TENM2: variants seen among roughly 807,000 people sequenced by gnomAD.
TENM2 encodes teneurin-2.
In TENM2, 52 loss-of-function variants were observed where a neutral mutation model predicts 245.2. The observed-to-expected ratio is 0.21, with a 90% CI of 0.17 to 0.27. TENM2 has a LOEUF of 0.27. Among genes scored for constraint, TENM2 ranks in the 10% least tolerant of loss-of-function variants. The pLI is 1.00. For synonymous variants in TENM2, 1,363 were observed against 1,438.9 expected, an observed-to-expected ratio of 0.95 and a Z score of 1.19; for missense variants, 3,046 against 3,666.8, an observed-to-expected ratio of 0.83 and a Z score of 4.37.
At chr5:167,848,190 G>C (rs989727540) in intron 2 of TENM2, among the ~76,000 whole-genome samples, 3 of 152,172 alleles carry the variant, frequency 2.0e-5, no homozygotes, top group Non-Finnish European at 4.4e-5. Context: ...TGAGAGCTGA[G>C]TGGATCGTGA....
the TENM2 span, among the ~76,000 whole-genome samples, chr5:167,185,100 C>T: frequency 6.6e-6 from 1 of 152,174 alleles, no homozygotes; most frequent in Non-Finnish European, 1.5e-5. Flanking sequence ...TATGTTCATA[C>T]ACACATATGT....
chr5:167,385,684 A>C (rs1328988210), intron 2 of TENM2, among the ~76,000 whole-genome samples: 2 of 151,664 alleles, frequency 1.3e-5, no homozygotes, highest in African/African-American at 4.8e-5. Context: ...TGAGTCCCCA[A>C]AGTCCATTGT....
At position 167,400,395 on chromosome 5, in the gene TENM2, GGTTAGA is replaced by G. The variant is rs1289254197; in HGVS notation, c.502+24925_502+24930del. On this transcript the variant is annotated intron_variant, in intron 2 of 28. Transcript: ENST00000518659. ...TTAAGGACTACAAGTAGGATGACTAGGTTAGAGTATAGTCAATAAATGAGATGGAGG... is the reference window on the plus strand; with the variant it reads ...TTAAGGACTACAAGTAGGATGACTAGGTATAGTCAATAAATGAGATGGAGG... Among the ~76,000 whole-genome samples the G allele has an allele frequency of 4.6e-5, 7 of 152,124 alleles. No homozygotes were observed. The East Asian group carries it at 7.8e-4, about 17-fold the overall frequency.
Position 168,226,069 on chromosome 5 carries a change from T to A in TENM2, c.5109-19T>A. ...ACTGCTGCTAACCAGGGTTTATCTA[T>A]CTATCTATCTCCCCCCAGCTATGAC... On this transcript the variant is annotated intron_variant, in intron 23 of 28. Coordinates refer to ENST00000518659, the Ensembl canonical transcript of TENM2. 1 of 1,608,200 alleles carries A rather than the reference T, an allele frequency of 6.2e-7. No individual in the cohort carries two copies. The highest frequency in any genetic ancestry group is 8.5e-7 in the Non-Finnish European group (1 of 1,177,602).
chr5:167,219,811 C>A, the TENM2 span, among the ~76,000 whole-genome samples: 1 of 152,198 alleles, frequency 6.6e-6, no homozygotes, highest in Non-Finnish European at 1.5e-5. Flanking sequence ...GGCTGCACAT[C>A]GTTTGAAAGC....
chr5:167,502,792 C>A (rs1254878788), intron 2 of TENM2, among the ~76,000 whole-genome samples: 1 of 152,134 alleles, frequency 6.6e-6, no homozygotes, highest in Non-Finnish European at 1.5e-5. Flanking sequence ...GGTGGGGATT[C>A]ATGCTGAAAA....
In TENM2 at chr5:167,779,596, C is replaced by A. The variant is rs537881051; in HGVS notation, c.503-96390C>A. Among the ~76,000 whole-genome samples, 78 of 152,182 alleles carry A rather than the reference C, an allele frequency of 5.1e-4. 2 individuals carry two copies. The highest frequency in any genetic ancestry group is 8.8e-5 in the Non-Finnish European group (6 of 68,042). On this transcript the variant is annotated intron_variant, in intron 2 of 28. Coordinates refer to ENST00000518659, the Ensembl canonical transcript of TENM2. ...CATGACTTTATTAGGGTCTGTCCTT[C>A]GTTTGTAGTCTTGGCACTCACTAAC...
intron 1 of TENM2, among the ~76,000 whole-genome samples, chr5:167,324,649 G>A (rs976900636): frequency 6.6e-6 from 1 of 151,504 alleles, no homozygotes; most frequent in African/African-American, 2.4e-5. Context: ...TTGGGACCAC[G>A]ATGTATTTGG....
chr5:167,011,010 G>A, the TENM2 span, among the ~76,000 whole-genome samples: 2 of 152,092 alleles, frequency 1.3e-5, no homozygotes, highest in Non-Finnish European at 2.9e-5. Flanking sequence ...AACAAAAACA[G>A]GTTAAGTAGA....
intron 3 of TENM2, among the ~76,000 whole-genome samples, chr5:167,928,249 T>G (rs567968275): frequency 3.6e-4 from 55 of 152,318 alleles, no homozygotes; most frequent in Admixed American, 1.6e-3. Context: ...GGTTCCCATT[T>G]CATTCTCACT....
the TENM2 span, among the ~76,000 whole-genome samples, chr5:167,205,675 GA>G: frequency 6.6e-6 from 1 of 152,138 alleles, no homozygotes; most frequent in Non-Finnish European, 1.5e-5. Context: ...AACGTCTACT[GA>G]TGATATCAGG....
intron 2 of TENM2, among the ~76,000 whole-genome samples, chr5:167,725,255 C>T (rs4869066): frequency 0.29 from 43,495 of 151,790 alleles, 8,021 homozygotes; most frequent in East Asian, 0.5. Context: ...AAATGAATCA[C>T]ACTTTTTTTT....
chr5:167,063,649 A>G, the TENM2 span, among the ~76,000 whole-genome samples: 848 of 152,302 alleles, frequency 5.6e-3, 6 homozygotes, highest in African/African-American at 0.019. Context: ...AATTAAGATT[A>G]TTCTTACTGT....
intron 2 of TENM2, among the ~76,000 whole-genome samples, chr5:167,455,743 T>C (rs1765880035): frequency 6.6e-6 from 1 of 152,196 alleles, no homozygotes; most frequent in Admixed American, 6.6e-5. Flanking sequence ...TAAGTTGTCA[T>C]TGACCAAGAG....
At chr5:167,817,142 G>A (rs1373251566) in intron 2 of TENM2, among the ~76,000 whole-genome samples, 2 of 152,164 alleles carry the variant, frequency 1.3e-5, no homozygotes, top group Non-Finnish European at 2.9e-5. Flanking sequence ...AAACGATAGA[G>A]TTGTTTGGAA....
At chr5:168,054,611 A>G (rs1292432997) in intron 6 of TENM2, among the ~76,000 whole-genome samples, 4 of 152,186 alleles carry the variant, frequency 2.6e-5, no homozygotes, top group African/African-American at 9.7e-5. Context: ...CATTCCCTTT[A>G]TCACTTGTTT....
the TENM2 span, among the ~76,000 whole-genome samples, chr5:167,226,500 GA>G: frequency 1.3e-5 from 2 of 151,942 alleles, no homozygotes; most frequent in Non-Finnish European, 2.9e-5. Context: ...CCAAGTCTGA[GA>G]AGATACTTGA....
At chr5:168,127,034 CCTTCAGGGACACAAGTG>C (rs1795902963) in intron 12 of TENM2, 68 bp downstream of exon 14, 2 of 1,309,994 alleles carry the variant, frequency 1.5e-6, no homozygotes, top group South Asian at 2.7e-5. Flanking sequence ...ACTGGCTGTT[CCTTCAGGGACACAAGTG>C]CTCTCCCACA....
intron 2 of TENM2, among the ~76,000 whole-genome samples, chr5:167,409,675 C>T (rs932200697): frequency 1.3e-5 from 2 of 151,920 alleles, no homozygotes; most frequent in African/African-American, 4.8e-5. Flanking sequence ...ATAAAAAATT[C>T]CTGTATGCAA....
Sources: allele counts gnomAD v4.1 joint callset (sites outside exome capture counted in the v4.1 genomes callset), GRCh38; gene constraint gnomAD v4.1.1; transcripts MANE v1.5; gene names NCBI Gene and HGNC (gene_info 2026-07-23, HGNC 2026-07-21).